NMNAT3: variants seen among roughly 807,000 people sequenced by gnomAD.
The protein encoded by NMNAT3 is nicotinamide nucleotide adenylyltransferase 3.
NMNAT3 carries 21 observed loss-of-function variants against 24.8 expected under a neutral mutation model. The observed-to-expected ratio is 0.85, with a 90% CI of 0.60 to 1.22. The LOEUF (loss-of-function observed/expected upper bound fraction) is 1.22. NMNAT3 is among the 50% of genes most tolerant of loss of function. The pLI is 0.00. For missense variants in NMNAT3, 387 were observed against 436.6 expected (o/e 0.89, Z 1.01); for synonymous variants, 136 against 155.2 (o/e 0.88, Z 0.92).
intron 3 of NMNAT3, chr3:139,583,476 A>G (rs1466582698): frequency 8.1e-6 from 13 of 1,602,316 alleles, no homozygotes; most frequent in East Asian, 2.2e-5. Flanking sequence ...GATGCTAAAC[A>G]TAAGTTTTGA....
At chr3:139,647,408 T>C (rs1048037079) in intron 1 of NMNAT3, among the ~76,000 whole-genome samples, 11 of 151,766 alleles carry the variant, frequency 7.2e-5, no homozygotes, top group Admixed American at 3.3e-4. Context: ...GGAAAGGAGG[T>C]CAACAACTCC....
intron 3 of NMNAT3, among the ~76,000 whole-genome samples, chr3:139,585,427 A>G (rs777641058): frequency 6.6e-6 from 1 of 152,158 alleles, no homozygotes; most frequent in Non-Finnish European, 1.5e-5. Flanking sequence ...TAAAATCTGT[A>G]TCATACAATG....
intron 1 of NMNAT3, among the ~76,000 whole-genome samples, chr3:139,666,818 A>G (rs1458004518): frequency 6.6e-6 from 1 of 152,160 alleles, no homozygotes; most frequent in South Asian, 2.1e-4. Context: ...TAGCTCCCAC[A>G]TGAGTGAGAA....
chr3:139,616,615 ACT>A (rs943678000), intron 3 of NMNAT3, among the ~76,000 whole-genome samples: 1 of 151,672 alleles, frequency 6.6e-6, no homozygotes, highest in African/African-American at 2.4e-5. Flanking sequence ...AGTGGGTAGC[ACT>A]CTCTCTTCCT....
intron 1 of NMNAT3, among the ~76,000 whole-genome samples, chr3:139,657,282 G>A (rs1315957071): frequency 6.6e-6 from 1 of 152,170 alleles, no homozygotes; most frequent in Non-Finnish European, 1.5e-5. Context: ...CATTTTTGTA[G>A]GAAATAAATG....
At chr3:139,578,506 G>A (rs549204102) in intron 5 of NMNAT3, among the ~76,000 whole-genome samples, 5 of 152,206 alleles carry the variant, frequency 3.3e-5, no homozygotes, top group South Asian at 2.1e-4. Context: ...ATCCTCATTC[G>A]GTTTTGTTGT....
intron 1 of NMNAT3, among the ~76,000 whole-genome samples, chr3:139,642,237 C>T (rs2056730227): frequency 6.6e-6 from 1 of 152,178 alleles, no homozygotes. Flanking sequence ...ATCTTTATTG[C>T]TAAAGCGCCT....
At chr3:139,665,774 T>C (rs1029852574) in intron 1 of NMNAT3, among the ~76,000 whole-genome samples, 1 of 150,180 alleles carries the variant, frequency 6.7e-6, no homozygotes, top group Non-Finnish European at 1.5e-5. Context: ...TTTGTATTGA[T>C]AAGTCATCTC....
intron 1 of NMNAT3, among the ~76,000 whole-genome samples, chr3:139,644,643 C>A (rs1032855116): frequency 1.3e-5 from 2 of 152,128 alleles, no homozygotes; most frequent in Non-Finnish European, 2.9e-5. Context: ...CCATAAATAA[C>A]ATGGTCCAAA....
At chr3:139,592,047 AG>A (rs1356290454) in intron 3 of NMNAT3, among the ~76,000 whole-genome samples, 3 of 152,186 alleles carry the variant, frequency 2.0e-5, no homozygotes, top group African/African-American at 7.2e-5. Context: ...TTCAAACCAA[AG>A]GCAAAGAAGT....
rs186306452 is a variant in NMNAT3, at chr3:139,669,748, A to T, written c.-141+7957T>A. On this transcript the variant is annotated intron_variant, in intron 1 of 6. Coordinates refer to ENST00000643695, the MANE Select transcript of NMNAT3 (RefSeq NM_001320510.2). The stretch of plus-strand genomic sequence containing the variant: ...AGCAAGTAAATCCAATATTAATATT[A>T]AAACATGGCACTGGAGATATAATTA... Among the ~76,000 whole-genome samples, 586 of 152,340 alleles carry T rather than the reference A, an allele frequency of 3.8e-3. 5 individuals are homozygous for T. Among genetic ancestry groups the T allele is most frequent in the African/African-American group, 0.014 (566 of 41,578 alleles).
intron 3 of NMNAT3, among the ~76,000 whole-genome samples, chr3:139,621,824 A>G (rs2055789018): frequency 6.6e-6 from 1 of 152,214 alleles, no homozygotes; most frequent in South Asian, 2.1e-4. Context: ...GCTTCCACAT[A>G]TAAGTGAGAT....
At chr3:139,669,936 G>A (rs1222816512) in intron 1 of NMNAT3, among the ~76,000 whole-genome samples, 3 of 152,214 alleles carry the variant, frequency 2.0e-5, no homozygotes, top group Admixed American at 2.0e-4. Context: ...CCTTTAAAGT[G>A]TTGGGTCTTA....
At chr3:139,628,406 A>G (rs2056149798) in intron 2 of NMNAT3, among the ~76,000 whole-genome samples, 1 of 152,236 alleles carries the variant, frequency 6.6e-6, no homozygotes, top group African/African-American at 2.4e-5. Context: ...TAGACATAAA[A>G]TCTCTTTACT....
chr3:139,614,315 C>T (rs965458747), intron 3 of NMNAT3, among the ~76,000 whole-genome samples: 3 of 152,186 alleles, frequency 2.0e-5, no homozygotes, highest in Admixed American at 6.5e-5. Flanking sequence ...TCAGACTCCA[C>T]GATCAAACCC....
At chr3:139,659,187 G>A (rs1051107778) in intron 1 of NMNAT3, among the ~76,000 whole-genome samples, 1 of 152,200 alleles carries the variant, frequency 6.6e-6, no homozygotes, top group African/African-American at 2.4e-5. Context: ...CACCTTTTTT[G>A]TGAATAAGGA....
In NMNAT3 at chr3:139,561,248, C is replaced by A. The variant is rs1171763174; in HGVS notation, c.803G>T (p.Gly268Val). The change falls in exon 7 of 7, where the codon GGT becomes GTT. Residue 268 changes from glycine (G) to valine (V), a missense_variant. Gly to Val is a moderately radical substitution (Grantham distance 109). Transcript: ENST00000643695. ...TAGGATGGGAGATTCTGCGATGTAA[C>A]CTTTTGGGTCGTGACCTACTCGGCC... 15 of 1,614,082 alleles carry A rather than the reference C, an allele frequency of 9.3e-6. No individual in the cohort carries two copies. Among genetic ancestry groups the A allele is most frequent in the Non-Finnish European group, 1.2e-5 (14 of 1,180,000 alleles).
At chr3:139,592,364 G>C (rs1193181783) in intron 3 of NMNAT3, among the ~76,000 whole-genome samples, 2 of 152,158 alleles carry the variant, frequency 1.3e-5, no homozygotes, top group African/African-American at 4.8e-5. Flanking sequence ...GAAAGTGACG[G>C]GGAGAATGGA....
chr3:139,614,885 G>C (rs1259693991), intron 3 of NMNAT3, among the ~76,000 whole-genome samples: 2 of 152,200 alleles, frequency 1.3e-5, no homozygotes, highest in Non-Finnish European at 2.9e-5. Flanking sequence ...AGTGATTCTT[G>C]CATAAATCAA....
Sources: gnomAD v4.1 joint callset for allele counts (sites outside exome capture counted in the v4.1 genomes callset) on GRCh38, gnomAD v4.1.1 for gene constraint, MANE v1.5 for transcripts, NCBI Gene and HGNC (gene_info 2026-07-23, HGNC 2026-07-21) for gene names.